Variants in SPOCK3 observed in about 807,000 individuals in gnomAD.
SPOCK3 encodes the protein SPARC (osteonectin), cwcv and kazal like domains proteoglycan 3.
In SPOCK3, 30 loss-of-function variants were observed where a neutral mutation model predicts 56.6. That is an observed-to-expected ratio of 0.53 (90% CI 0.40 to 0.72). The LOEUF is 0.72. SPOCK3 is among the 30% of genes least tolerant of loss of function. The probability of loss-of-function intolerance (pLI) is 0.00; values close to 1 mark genes in which losing one functional copy is unlikely to be tolerated. For missense variants in SPOCK3, 527 were observed against 530.0 expected (o/e 0.99, Z 0.06); for synonymous variants, 196 against 183.3 (o/e 1.07, Z -0.56).
At chr4:167,017,879 T>C (rs1225068677) in intron 3 of SPOCK3, among the ~76,000 whole-genome samples, 3 of 152,074 alleles carry the variant, frequency 2.0e-5, no homozygotes, top group East Asian at 1.9e-4. Context: ...TTGGGTGATA[T>C]TGATTAAAAA....
intron 2 of SPOCK3, among the ~76,000 whole-genome samples, chr4:167,221,854 A>G (rs1417467994): frequency 1.3e-5 from 2 of 152,184 alleles, no homozygotes; most frequent in African/African-American, 2.4e-5. Flanking sequence ...ATCCATTGTG[A>G]GTAGGACTGT....
At chr4:166,968,067 A>G (rs1744941653) in intron 4 of SPOCK3, among the ~76,000 whole-genome samples, 1 of 152,160 alleles carries the variant, frequency 6.6e-6, no homozygotes, top group Non-Finnish European at 1.5e-5. Flanking sequence ...GAGAAAGATG[A>G]TTTAGGGTAG....
intron 2 of SPOCK3, among the ~76,000 whole-genome samples, chr4:167,120,135 C>T (rs1034930667): frequency 1.3e-5 from 2 of 152,000 alleles, no homozygotes; most frequent in Non-Finnish European, 2.9e-5. Context: ...TTTCAAGAGG[C>T]ACAATAATTA....
intron 6 of SPOCK3, among the ~76,000 whole-genome samples, chr4:166,806,546 ATAT>A (rs756851062): frequency 1.1e-4 from 16 of 152,034 alleles, no homozygotes; most frequent in Middle Eastern, 3.2e-3. Flanking sequence ...TCTCATGAAA[ATAT>A]TATTTTTTAT....
chr4:167,044,917 T>A (rs528939045), intron 3 of SPOCK3, among the ~76,000 whole-genome samples: 1 of 152,106 alleles, frequency 6.6e-6, no homozygotes, highest in Non-Finnish European at 1.5e-5. Flanking sequence ...TCTATAGATG[T>A]CAATTTTATC....
chr4:166,814,728 G>A (rs1010112971), intron 6 of SPOCK3, among the ~76,000 whole-genome samples: 4 of 152,022 alleles, frequency 2.6e-5, no homozygotes, highest in Admixed American at 2.0e-4. Context: ...AGCCACTACT[G>A]GCTTCTTTCT....
chr4:166,989,949 A>G (rs1423089001), intron 4 of SPOCK3, among the ~76,000 whole-genome samples: 3 of 152,146 alleles, frequency 2.0e-5, no homozygotes, highest in Non-Finnish European at 4.4e-5. Flanking sequence ...ATCTGCTTCC[A>G]TCTTATAAGT....
At chr4:166,925,000 C>A (rs919993557) in intron 4 of SPOCK3, among the ~76,000 whole-genome samples, 41 of 152,080 alleles carry the variant, frequency 2.7e-4, no homozygotes, top group African/African-American at 9.4e-4. Context: ...CACTTCCCAG[C>A]AATAGATTAA....
At chr4:167,012,627 G>C (rs966603820) in intron 3 of SPOCK3, among the ~76,000 whole-genome samples, 2 of 151,848 alleles carry the variant, frequency 1.3e-5, no homozygotes, top group African/African-American at 4.8e-5. Flanking sequence ...GAGTTTAGTG[G>C]CAATTTTGGA....
intron 3 of SPOCK3, among the ~76,000 whole-genome samples, chr4:167,025,476 T>C (rs1011023908): frequency 1.3e-5 from 2 of 152,102 alleles, no homozygotes; most frequent in African/African-American, 4.8e-5. Context: ...CATTTTAATA[T>C]GGATTTAACT....
At chr4:167,076,309 G>T (rs1172673643) in intron 2 of SPOCK3, among the ~76,000 whole-genome samples, 1 of 151,816 alleles carries the variant, frequency 6.6e-6, no homozygotes, top group African/African-American at 2.4e-5. Context: ...GGAGGCTAAT[G>T]ATATGTCCAG....
intron 2 of SPOCK3, among the ~76,000 whole-genome samples, chr4:167,095,292 C>T (rs1398131300): frequency 6.6e-6 from 1 of 152,070 alleles, no homozygotes; most frequent in East Asian, 1.9e-4. Flanking sequence ...ATCTACATAA[C>T]TTTCACTTCT....
At chr4:167,205,319 T>G (rs1307038645) in intron 2 of SPOCK3, among the ~76,000 whole-genome samples, 1 of 49,974 alleles carries the variant, frequency 2.0e-5, no homozygotes, top group African/African-American at 8.9e-5. Flanking sequence ...ATATATTTTA[T>G]ATATATAATA....
chr4:166,751,146 A>C (rs1219174112), intron 8 of SPOCK3, among the ~76,000 whole-genome samples: 1 of 152,202 alleles, frequency 6.6e-6, no homozygotes, highest in Non-Finnish European at 1.5e-5. Flanking sequence ...TTAAAACTTT[A>C]TTAGATTCAT....
At chr4:167,108,252 C>A (rs1466336369) in intron 2 of SPOCK3, among the ~76,000 whole-genome samples, 1 of 151,806 alleles carries the variant, frequency 6.6e-6, no homozygotes, top group African/African-American at 2.4e-5. Context: ...TGGGAGGTTC[C>A]TCAAAAAACT....
chr4:166,770,189 T>A (rs1387375077), intron 7 of SPOCK3, among the ~76,000 whole-genome samples: 1 of 152,116 alleles, frequency 6.6e-6, no homozygotes, highest in Non-Finnish European at 1.5e-5. Context: ...CTGCACCCAC[T>A]GTCCTGCCCC....
rs1189625515 is a variant in SPOCK3 at position 166,947,289 on chromosome 4, T to C, written c.351-34546A>G. On this transcript the variant is annotated intron_variant, in intron 4 of 10. Transcript: ENST00000357545. Reference sequence around the variant, plus strand: ...GGGGCCAATGAATATATATTTATAGTTTAACATACTGAGTGTATCACCTTT... The same window carrying C: ...GGGGCCAATGAATATATATTTATAGCTTAACATACTGAGTGTATCACCTTT... 2.0e-5 allele frequency among the ~76,000 whole-genome samples: 3 copies of C among 152,284 alleles called. No homozygotes were observed. In the East Asian group the frequency reaches 5.8e-4, roughly 29 times the overall value.
intron 6 of SPOCK3, among the ~76,000 whole-genome samples, chr4:166,803,624 G>A (rs567097524): frequency 6.0e-4 from 91 of 152,216 alleles, no homozygotes; most frequent in African/African-American, 2.1e-3. Flanking sequence ...GTGAGAGAAC[G>A]AATATTAGCT....
chr4:167,026,315 G>A (rs764075924), intron 3 of SPOCK3, among the ~76,000 whole-genome samples: 2 of 152,062 alleles, frequency 1.3e-5, no homozygotes, highest in African/African-American at 2.4e-5. Context: ...TGCCATGTAT[G>A]TTAGATCACT....
Sources: gnomAD v4.1 joint callset for allele counts (sites outside exome capture counted in the v4.1 genomes callset) on GRCh38, gnomAD v4.1.1 for gene constraint, MANE v1.5 for transcripts, NCBI Gene and HGNC (gene_info 2026-07-23, HGNC 2026-07-21) for gene names.